CLIP1: variants seen among roughly 807,000 people sequenced by gnomAD.
The protein encoded by CLIP1 is CAP-Gly domain containing linker protein 1.
Under a neutral mutation model 161.6 loss-of-function variants are expected in CLIP1, and 66 were observed. That is an observed-to-expected ratio of 0.41 (90% CI 0.33 to 0.50). The LOEUF (loss-of-function observed/expected upper bound fraction) is 0.50, where lower values mean the gene tolerates loss of function less well. CLIP1 is among the 20% of genes least tolerant of loss of function. The pLI is 0.27. For synonymous variants in CLIP1, 598 were observed against 626.2 expected (o/e 0.96, Z 0.67); for missense variants, 1,376 against 1,702.0 (o/e 0.81, Z 3.37).
At position 122,346,366 on chromosome 12, in the gene CLIP1, T is replaced by C. The variant is rs114057315; in HGVS notation, c.1506+1009A>G. 4.2e-3 allele frequency among the ~76,000 whole-genome samples: 642 copies of C among 152,326 alleles called. 2 individuals are homozygous for C. The highest frequency in any genetic ancestry group is 0.015 in the African/African-American group (610 of 41,580). On this transcript the variant is annotated intron_variant, in intron 10 of 25. Transcript: ENST00000620786. ...TGTCTGGCATGAAGTATGCACTATA[T>C]AGGTGCTTTAATATATAAATAAACT... is the stretch of plus-strand genomic sequence containing the variant.
intron 19 of CLIP1, among the ~76,000 whole-genome samples, chr12:122,313,459 G>T (rs576372500): frequency 1.3e-4 from 20 of 152,332 alleles, no homozygotes; most frequent in Admixed American, 1.2e-3. Context: ...GGGCGTGGTG[G>T]CTCATGCCTA....
At chr12:122,399,305 T>C (rs986015952) in intron 1 of CLIP1, 2 of 152,210 alleles carry the variant, frequency 1.3e-5, no homozygotes, top group African/African-American at 4.8e-5. Flanking sequence ...GTTCTAGTCC[T>C]GTTTTGGGTA....
chr12:122,364,242 T>A, intron 3 of CLIP1, 135 bp from the exon 4 acceptor site: 1 of 1,040,088 alleles, frequency 9.6e-7, no homozygotes, highest in Non-Finnish European at 1.4e-6. Flanking sequence ...TCTCTTTGAC[T>A]CTAAGAGTTC....
intron 20 of CLIP1, among the ~76,000 whole-genome samples, chr12:122,292,435 C>T (rs1950286191): frequency 6.6e-6 from 1 of 152,178 alleles, no homozygotes; most frequent in African/African-American, 2.4e-5. Flanking sequence ...TTCAAGATGG[C>T]TCTGATGTCC....
chr12:122,277,964 G>A (rs1355205102), intron 24 of CLIP1, 190 bp downstream of exon 24: 6 of 617,158 alleles, frequency 9.7e-6, no homozygotes, highest in Non-Finnish European at 1.4e-5. Flanking sequence ...GCAGAAGAGA[G>A]AGAAGGTTTG....
rs778410461 is a variant in CLIP1 at position 122,364,078 on chromosome 12, C to G, written c.687G>C (p.Arg229=). Reference sequence around the variant, plus strand: ...TGGCAAAGTCGGTCTCCCCAAGAAACCGGACTACACCAGCCTTAGTGCCAC... The same window carrying G: ...TGGCAAAGTCGGTCTCCCCAAGAAAGCGGACTACACCAGCCTTAGTGCCAC... ...LVGGTKAGVV[R]FLGETDFAKG... The change falls in exon 4 of 26, where the codon CGG becomes CGC. Residue 229 remains arginine, a synonymous_variant. Coordinates refer to ENST00000620786, the MANE Select transcript of CLIP1 (RefSeq NM_001247997.2). 6.2e-7 allele frequency: 1 copy of G among 1,614,036 alleles called. No individual in the cohort carries two copies. Among genetic ancestry groups the G allele is most frequent in the Admixed American group, 1.7e-5 (1 of 60,006 alleles).
intron 1 of CLIP1, among the ~76,000 whole-genome samples, chr12:122,382,266 CAGG>C (rs141429500): frequency 0.013 from 1,985 of 151,960 alleles, 44 homozygotes; most frequent in African/African-American, 0.04. Context: ...GAGGCTGCAG[CAGG>C]AGAACTGCTT....
chr12:122,333,921 G>A (rs1188299381), intron 14 of CLIP1, 106 bp downstream of exon 14: 1 of 665,998 alleles, frequency 1.5e-6, no homozygotes, highest in Non-Finnish European at 2.7e-6. Context: ...GATGAGTGAA[G>A]AGGCTATGCC....
At chr12:122,373,102 C>T (rs1954534529) in intron 3 of CLIP1, among the ~76,000 whole-genome samples, 1 of 152,086 alleles carries the variant, frequency 6.6e-6, no homozygotes, top group Admixed American at 6.6e-5. Flanking sequence ...TCCCCAATAA[C>T]CTACGGTAAT....
intron 1 of CLIP1, among the ~76,000 whole-genome samples, chr12:122,394,388 C>G (rs11057917): frequency 2.0e-5 from 3 of 148,720 alleles, no homozygotes; most frequent in South Asian, 4.3e-4. Context: ...ACTCTGGAGG[C>G]TCAGGCACGA....
intron 10 of CLIP1, among the ~76,000 whole-genome samples, chr12:122,346,526 A>G (rs1553179): frequency 0.79 from 119,790 of 152,074 alleles, 47,528 homozygotes; most frequent in African/African-American, 0.86. Flanking sequence ...TTTTCCAGAC[A>G]GAGTCTCACT....
Position 122,361,002 on chromosome 12 carries a change from G to A in CLIP1, c.962C>T (p.Ser321Leu). 1 of 1,614,104 alleles carries A rather than the reference G, an allele frequency of 6.2e-7. No individual in the cohort carries two copies. Among genetic ancestry groups the A allele is most frequent in the Non-Finnish European group, 8.5e-7 (1 of 1,180,026 alleles). Residue 321 changes from serine to leucine, a missense_variant, in exon 5 of 26, where the codon TCA becomes TTA. By Grantham distance (145) the Ser-to-Leu change is moderately radical. Coordinates refer to ENST00000620786, the MANE Select transcript of CLIP1 (RefSeq NM_001247997.2). Reference sequence around the variant, plus strand: ...CCTGCTGCTCACAGAGGAGGCCACTGAGCTCATGGAGCTGAGGGAAGAGGC... The same window carrying A: ...CCTGCTGCTCACAGAGGAGGCCACTAAGCTCATGGAGCTGAGGGAAGAGGC... ...PSASSLSSMS[S>L]VASSVSSRPS...
rs375091505 is a variant in CLIP1, at chr12:122,398,424, T to TAAA, written c.-106-17869_-106-17867dup. Among the ~76,000 whole-genome samples the TAAA allele has an allele frequency of 3.7e-5, 5 of 135,956 alleles. No individual in the cohort carries two copies. The South Asian group carries it at 7.1e-4, about 19-fold the overall frequency. The allele number at this position is 135,956 out of a possible 152,430, so 89.2% of individuals were successfully genotyped here. A position where few individuals can be genotyped will look rare whatever the true frequency, so the allele number is the denominator to read the frequency against. On this transcript the variant is annotated intron_variant, in intron 1 of 25. Transcript: ENST00000620786. ...TGGGCGACAGAATGAGACTCCACCTTAAAAAAAAAAAAAAAATTAATTTTA... is the reference window on the plus strand; with the variant it reads ...TGGGCGACAGAATGAGACTCCACCTTAAAAAAAAAAAAAAAAAAATTAATTTTA...
At chr12:122,336,452 G>C (rs901034004) in intron 12 of CLIP1, among the ~76,000 whole-genome samples, 180 bp downstream of exon 12, 14 of 150,162 alleles carry the variant, frequency 9.3e-5, no homozygotes, top group African/African-American at 3.4e-4. Flanking sequence ...TACCTTTGTT[G>C]TTTGGGTTTG....
intron 14 of CLIP1, among the ~76,000 whole-genome samples, 187 bp from the exon 15 acceptor site, chr12:122,333,330 G>A (rs1191017622): frequency 1.3e-5 from 2 of 152,170 alleles, no homozygotes; most frequent in Non-Finnish European, 2.9e-5. Flanking sequence ...AGCGGTAAGT[G>A]CTAAGAGGAA....
intron 24 of CLIP1, chr12:122,274,364 G>GAGCTTTACTTAAAGAGTAAAGAGTAA: frequency 2.0e-6 from 1 of 498,576 alleles, no homozygotes; most frequent in Non-Finnish European, 3.6e-6. Flanking sequence ...GAACTTAAAT[G>GAGCTTTACTTAAAGAGTAAAGAGTAA]AGGCCATGTC....
chr12:122,288,611 G>A, intron 20 of CLIP1, 70 bp from the exon 21 acceptor site: 2 of 1,344,580 alleles, frequency 1.5e-6, no homozygotes, highest in South Asian at 1.2e-5. Flanking sequence ...CATCCCACAT[G>A]TACATCCCCC....
At chr12:122,387,448 GC>G (rs1955325196) in intron 1 of CLIP1, among the ~76,000 whole-genome samples, 3 of 133,898 alleles carry the variant, frequency 2.2e-5, no homozygotes, top group Non-Finnish European at 3.3e-5. Context: ...GCTTGTGGAG[GC>G]GGGGGGGAGG....
intron 1 of CLIP1, among the ~76,000 whole-genome samples, chr12:122,420,516 G>A (rs776588540): frequency 8.5e-5 from 13 of 152,162 alleles, no homozygotes; most frequent in Non-Finnish European, 1.6e-4. Flanking sequence ...GGTCCCACCC[G>A]GTTTCAGTTT....
Sources: allele counts gnomAD v4.1 joint callset (sites outside exome capture counted in the v4.1 genomes callset), GRCh38; gene constraint gnomAD v4.1.1; transcripts MANE v1.5; gene names NCBI Gene and HGNC (gene_info 2026-07-23, HGNC 2026-07-21).